Variants in S100Z observed in about 807,000 individuals in gnomAD.
S100Z encodes the protein protein S100-Z.
S100Z carries 11 observed loss-of-function variants against 8.5 expected under a neutral mutation model. The ratio of observed to expected loss-of-function variants is 1.30; its 90% CI spans 0.82 to 2.15. The LOEUF is 2.15. S100Z is among the 30% of genes most tolerant of loss of function. The pLI, the probability that S100Z is intolerant of heterozygous loss-of-function variation, is 0.00. For missense variants in S100Z, 126 were observed against 117.9 expected (o/e 1.07, Z -0.32); for synonymous variants, 34 against 43.8 (o/e 0.78, Z 0.89).
intron 4 of S100Z, among the ~76,000 whole-genome samples, chr5:76,883,073 C>A (rs1294896398): frequency 1.3e-5 from 2 of 152,098 alleles, no homozygotes; most frequent in East Asian, 3.9e-4. Flanking sequence ...AAAGGCCATG[C>A]TGTAACAGGC....
intron 4 of S100Z, among the ~76,000 whole-genome samples, chr5:76,881,610 A>G (rs1233524814): frequency 6.6e-6 from 1 of 152,214 alleles, no homozygotes; most frequent in Non-Finnish European, 1.5e-5. Flanking sequence ...CTTGTAACCT[A>G]CATGGAAGAG....
At chr5:76,936,727 C>T in the S100Z span, among the ~76,000 whole-genome samples, 6 of 152,016 alleles carry the variant, frequency 3.9e-5, no homozygotes, top group Admixed American at 3.3e-4. Context: ...TTGGTAGGCT[C>T]GCAAAAGCCT....
At chr5:76,914,626 G>C (rs1027289638) in intron 4 of S100Z, among the ~76,000 whole-genome samples, 1 of 152,060 alleles carries the variant, frequency 6.6e-6, no homozygotes, top group Non-Finnish European at 1.5e-5. Flanking sequence ...AAGGTCTGCA[G>C]CTTCACTCCT....
rs533551539 is a variant in S100Z, at chr5:76,850,094, A to G, written c.-237A>G. On this transcript the variant is annotated 5_prime_UTR_variant, in exon 1 of 5. Coordinates refer to ENST00000317593, the MANE Select transcript of S100Z (RefSeq NM_130772.4). Reference sequence around the variant, plus strand: ...GGAGGAAAACGGCTTGCTAATCTCCACGCCCAGAAATTCAGACAAGAGCAT... The same window carrying G: ...GGAGGAAAACGGCTTGCTAATCTCCGCGCCCAGAAATTCAGACAAGAGCAT... 1 of 152,294 alleles carries G rather than the reference A, an allele frequency of 6.6e-6. No homozygotes were observed. Among genetic ancestry groups the G allele is most frequent in the East Asian group, 1.9e-4 (1 of 5,168 alleles). The allele number at this position is 152,294 out of a possible 1,614,324, so 9.4% of individuals were successfully genotyped here.
chr5:76,945,932 G>A, the S100Z span, among the ~76,000 whole-genome samples: 2,356 of 152,256 alleles, frequency 0.015, 59 homozygotes, highest in African/African-American at 0.053. Flanking sequence ...CAGGTGTGGA[G>A]GGGCAGGCCA....
intron 4 of S100Z, among the ~76,000 whole-genome samples, chr5:76,911,972 C>A (rs1744678529): frequency 6.6e-6 from 1 of 152,178 alleles, no homozygotes; most frequent in Admixed American, 6.5e-5. Flanking sequence ...GCAGGGCTAG[C>A]TCTTGGAGTC....
intron 4 of S100Z, among the ~76,000 whole-genome samples, chr5:76,883,727 T>A (rs1048822957): frequency 6.6e-6 from 1 of 152,158 alleles, no homozygotes; most frequent in East Asian, 1.9e-4. Context: ...CGGGAGTGGC[T>A]GCCAGGTGAG....
the S100Z span, among the ~76,000 whole-genome samples, chr5:76,945,468 T>G: frequency 2.2e-4 from 34 of 152,334 alleles, 1 homozygote; most frequent in African/African-American, 8.2e-4. Flanking sequence ...GGGAATGGAA[T>G]GTCTCGGTAT....
chr5:76,914,472 C>A (rs1344628168), intron 4 of S100Z, among the ~76,000 whole-genome samples: 2 of 151,608 alleles, frequency 1.3e-5, no homozygotes, highest in Non-Finnish European at 2.9e-5. Context: ...GGAATAAAAG[C>A]TGGCCACCCA....
intron 4 of S100Z, among the ~76,000 whole-genome samples, chr5:76,906,966 TTGTGTGTG>T (rs111648836): frequency 0.25 from 14,811 of 58,572 alleles, 2,915 homozygotes; most frequent in African/African-American, 0.52. Flanking sequence ...TAGTATTCCA[TTGTGTGTG>T]TGTATATATA....
chr5:76,943,476 T>C, the S100Z span, among the ~76,000 whole-genome samples: 2 of 152,308 alleles, frequency 1.3e-5, no homozygotes, highest in African/African-American at 4.8e-5. Context: ...CAGACAAGTT[T>C]TAAAACCACG....
In S100Z at chr5:76,898,937, T is replaced by C. The variant is rs997476944; in HGVS notation, c.*2+21103T>C. Among the ~76,000 whole-genome samples, 36 of 140,962 alleles carry C rather than the reference T, an allele frequency of 2.6e-4. 1 individual carries two copies. Among genetic ancestry groups the C allele is most frequent in the East Asian group, 1.0e-3 (4 of 4,010 alleles). The allele number at this position is 140,962 out of a possible 152,430, so 92.5% of individuals were successfully genotyped here. A position where few individuals can be genotyped will look rare whatever the true frequency, so the allele number is the denominator to read the frequency against. On this transcript the variant is annotated intron_variant, in intron 4 of 4. Transcript: ENST00000317593. ...TGGGTCCTGGGCTTTTCTTTTCTTTTTTTTTTTTTTTTTTTGAGACAGAAT... is the reference window on the plus strand; with the variant it reads ...TGGGTCCTGGGCTTTTCTTTTCTTTCTTTTTTTTTTTTTTTGAGACAGAAT...
At chr5:76,925,656 A>T (rs1259545468), downstream of S100Z, among the ~76,000 whole-genome samples, 1 of 152,070 alleles carries the variant, frequency 6.6e-6, no homozygotes, top group East Asian at 1.9e-4. Context: ...GGCTGACAGT[A>T]AGAAATCACT....
chr5:76,882,119 G>A (rs1356851498), intron 4 of S100Z, among the ~76,000 whole-genome samples: 1 of 152,180 alleles, frequency 6.6e-6, no homozygotes, highest in Non-Finnish European at 1.5e-5. Context: ...GAGAGGTAGT[G>A]GAGGGGGGCA....
intron 1 of S100Z, among the ~76,000 whole-genome samples, chr5:76,850,364 G>C (rs1334342239): frequency 1.3e-5 from 2 of 151,108 alleles, no homozygotes; most frequent in East Asian, 3.9e-4. Context: ...GAGAGGGAGA[G>C]AGCAGCCTGA....
At chr5:76,891,821 G>C (rs1386280090) in intron 4 of S100Z, among the ~76,000 whole-genome samples, 1 of 152,096 alleles carries the variant, frequency 6.6e-6, no homozygotes, top group Admixed American at 6.6e-5. Flanking sequence ...TTAGGGGCCT[G>C]GGAGAGGGAG....
chr5:76,884,061 G>A (rs62363087), intron 4 of S100Z, among the ~76,000 whole-genome samples: 80,821 of 151,966 alleles, frequency 0.53, 24,085 homozygotes, highest in Non-Finnish European at 0.66. Flanking sequence ...TTCGAGGGCC[G>A]AATTTAATTT....
chr5:76,943,892 A>G, the S100Z span, among the ~76,000 whole-genome samples: 2 of 151,694 alleles, frequency 1.3e-5, no homozygotes, highest in Non-Finnish European at 2.9e-5. Context: ...GGCAAAAGGA[A>G]AAGTCACTGA....
intron 4 of S100Z, among the ~76,000 whole-genome samples, chr5:76,914,249 GA>G (rs1744777389): frequency 6.6e-6 from 1 of 151,876 alleles, no homozygotes; most frequent in African/African-American, 2.4e-5. Flanking sequence ...ATCCTGTTTA[GA>G]GGGGGGATTG....
Sources: gnomAD v4.1 joint callset for allele counts (sites outside exome capture counted in the v4.1 genomes callset) on GRCh38, gnomAD v4.1.1 for gene constraint, MANE v1.5 for transcripts, NCBI Gene and HGNC (gene_info 2026-07-23, HGNC 2026-07-21) for gene names.